Variants in SFT2D1 observed in about 807,000 individuals in gnomAD.
SFT2D1 encodes the protein SFT2 domain containing 1, also known as vesicle transport protein SFT2A.
Under a neutral mutation model 28.1 loss-of-function variants are expected in SFT2D1, and 24 were observed. The ratio of observed to expected loss-of-function variants is 0.85; its 90% CI spans 0.62 to 1.20. The LOEUF is 1.20. SFT2D1 is among the 50% of genes most tolerant of loss of function. SFT2D1 has a pLI of 0.00. For synonymous variants in SFT2D1, 82 were observed against 73.7 expected, an observed-to-expected ratio of 1.11 and a Z score of -0.58; for missense variants, 181 against 190.9, an observed-to-expected ratio of 0.95 and a Z score of 0.31.
In SFT2D1 at chr6:166,328,143, G is replaced by C. The variant is rs1778484847; in HGVS notation, c.315+133C>G. The stretch of plus-strand genomic sequence containing the variant: ...ACACAAGAAGTATACATACAACCCT[G>C]AAACTTAAAGTATAATAATAAAAAA... On this transcript the variant is annotated intron_variant, in intron 4 of 7. Coordinates refer to ENST00000361731, the MANE Select transcript of SFT2D1 (RefSeq NM_145169.3). The C allele has an allele frequency of 1.0e-5, 4 of 399,628 alleles. No individual in the cohort carries two copies. The South Asian group carries it at 2.9e-4, about 29-fold the overall frequency. 24.8% of individuals were successfully genotyped at this position (399,628 alleles called of 1,614,324 possible). A position where few individuals can be genotyped will look rare whatever the true frequency, so the allele number is the denominator to read the frequency against.
intron 7 of SFT2D1, among the ~76,000 whole-genome samples, chr6:166,322,183 G>GT (rs1245172124): frequency 6.6e-6 from 1 of 151,654 alleles, no homozygotes; most frequent in Non-Finnish European, 1.5e-5. Flanking sequence ...GCACCCAGCC[G>GT]TAACTTCCTT....
intron 2 of SFT2D1, 57 bp from the exon 3 acceptor site, chr6:166,329,646 T>TC: frequency 1.5e-6 from 2 of 1,372,650 alleles, no homozygotes; most frequent in Non-Finnish European, 2.0e-6. Context: ...ATGGTTAAAA[T>TC]ATAAACGTGC....
rs1778803763 is a variant in SFT2D1 at position 166,342,430 on chromosome 6, G to A, written c.52C>T (p.Leu18=). The change falls in exon 1 of 8, where the codon CTG becomes TTG. Residue 18 remains leucine, a synonymous_variant. Coordinates refer to ENST00000361731, the MANE Select transcript of SFT2D1 (RefSeq NM_145169.3). ...LSGQDDEEQG[L]TAQVLDASSL... ...CGCAAGTTCGCTACCTGCGCAGTCA[G>A]GCCCTGCTCCTCGTCGTCCTGGCCG... The A allele has an allele frequency of 6.4e-7, 1 of 1,560,098 alleles. No individual in the cohort carries two copies. The highest frequency in any genetic ancestry group is 1.9e-5 in the Admixed American group (1 of 52,416).
Position 166,326,173 on chromosome 6 carries a change from G to A in SFT2D1, c.316-6C>T, listed in dbSNP as rs147201375. The A allele has an allele frequency of 6.4e-5, 104 of 1,612,654 alleles. 1 individual carries two copies. In the Middle Eastern group the frequency reaches 1.8e-3, roughly 28 times the overall value. On this transcript the variant is annotated splice_region_variant and splice_polypyrimidine_tract_variant and intron_variant, in intron 4 of 7. Transcript: ENST00000361731. ...AGGGTAAATATGAAACACAACTACA[G>A]GGGAAGAAAGAGTAGATTATAAGTT...
chr6:166,341,810 G>A (rs1400466090), intron 1 of SFT2D1, among the ~76,000 whole-genome samples: 1 of 140,594 alleles, frequency 7.1e-6, no homozygotes. Flanking sequence ...GTAAGGCGCA[G>A]ACACAAGGGC....
chr6:166,334,284 G>A (rs189860307), intron 1 of SFT2D1, among the ~76,000 whole-genome samples: 1 of 152,310 alleles, frequency 6.6e-6, no homozygotes, highest in East Asian at 1.9e-4. Context: ...AAAAATCTAT[G>A]TGCTGGCTGC....
rs574519952 is a variant in SFT2D1 at position 166,328,287 on chromosome 6, T to C, written c.304A>G (p.Ile102Val). The C allele has an allele frequency of 1.0e-5, 16 of 1,587,850 alleles. No individual in the cohort carries two copies. The South Asian group carries it at 1.6e-4, about 16-fold the overall frequency. Reference sequence around the variant, plus strand: ...TATTATTTACTTACAAGCATAACAATTGTTGCAAGCAATCTTGTTGCTTCA... The same window carrying C: ...TATTATTTACTTACAAGCATAACAACTGTTGCAAGCAATCTTGTTGCTTCA... ...MFEATRLLATIVMLLCFIFTL... is the reference protein window; with the variant it reads ...MFEATRLLATVVMLLCFIFTL... Residue 102 changes from isoleucine (I) to valine (V), a missense_variant, in exon 4 of 8, where the codon ATT (isoleucine) becomes GTT (valine). Physicochemically the swap from Ile to Val is conservative, Grantham distance 29. Transcript: ENST00000361731.
chr6:166,324,704 T>C, intron 5 of SFT2D1, 109 bp from the exon 6 acceptor site: 1 of 1,004,070 alleles, frequency 1.0e-6, no homozygotes. Context: ...GCTTCATTTA[T>C]CTTTATTAAA....
chr6:166,326,548 G>A (rs1003605095), intron 4 of SFT2D1, among the ~76,000 whole-genome samples: 2 of 152,152 alleles, frequency 1.3e-5, no homozygotes, highest in South Asian at 2.1e-4. Flanking sequence ...CAGTGGACTC[G>A]TCTAAACCTG....
At chr6:166,333,007 C>T (rs930645029) in intron 1 of SFT2D1, among the ~76,000 whole-genome samples, 1 of 152,222 alleles carries the variant, frequency 6.6e-6, no homozygotes, top group African/African-American at 2.4e-5. Flanking sequence ...CTGGAAGGAC[C>T]TGAGCCTTGC....
intron 1 of SFT2D1, among the ~76,000 whole-genome samples, chr6:166,333,374 A>G (rs62438389): frequency 3.2e-4 from 48 of 151,136 alleles, no homozygotes; most frequent in Non-Finnish European, 6.3e-4. Context: ...TTTCCCCTCC[A>G]CTCCACTCAG....
chr6:166,326,294 A>G (rs1234171741), intron 4 of SFT2D1, 127 bp from the exon 5 acceptor site: 2 of 757,704 alleles, frequency 2.6e-6, no homozygotes, highest in Admixed American at 2.9e-5. Flanking sequence ...AATACAGCTG[A>G]ATAGTTTTAC....
chr6:166,326,049 T>C, intron 5 of SFT2D1, 83 bp downstream of exon 5: 1 of 1,289,550 alleles, frequency 7.8e-7, no homozygotes, highest in Non-Finnish European at 1.1e-6. Context: ...GATGAGCTAT[T>C]TTAAGATAAT....
chr6:166,342,121 A>G (rs909340343), intron 1 of SFT2D1, among the ~76,000 whole-genome samples: 18 of 152,148 alleles, frequency 1.2e-4, no homozygotes, highest in Admixed American at 1.0e-3. Flanking sequence ...ACCAAATAGT[A>G]CGTGGGAGCG....
chr6:166,336,568 C>T (rs756915621), intron 1 of SFT2D1, among the ~76,000 whole-genome samples: 4 of 152,156 alleles, frequency 2.6e-5, no homozygotes, highest in East Asian at 1.9e-4. Flanking sequence ...CCAGCAGATT[C>T]GGCGTCTGGT....
rs80026627 is a variant in SFT2D1 at position 166,327,610 on chromosome 6, C to T, written c.315+666G>A. 3.8e-3 allele frequency among the ~76,000 whole-genome samples: 572 copies of T among 152,216 alleles called. 6 individuals are homozygous for T. The highest frequency in any genetic ancestry group is 0.013 in the African/African-American group (542 of 41,528). On this transcript the variant is annotated intron_variant, in intron 4 of 7. Coordinates refer to ENST00000361731, the MANE Select transcript of SFT2D1 (RefSeq NM_145169.3). Reference sequence around the variant, plus strand: ...AGCATAGAGGGTGTCTATGCCCACCCTCTAAAGGGTACAAACTAACAATCC... The same window carrying T: ...AGCATAGAGGGTGTCTATGCCCACCTTCTAAAGGGTACAAACTAACAATCC...
intron 1 of SFT2D1, among the ~76,000 whole-genome samples, chr6:166,337,241 C>T (rs947869986): frequency 6.6e-6 from 1 of 152,316 alleles, no homozygotes; most frequent in East Asian, 1.9e-4. Context: ...TAGGAGTAGA[C>T]GGGACCCCCA....
chr6:166,329,403 A>G, intron 3 of SFT2D1, 104 bp downstream of exon 3: 1 of 847,954 alleles, frequency 1.2e-6, no homozygotes, highest in Non-Finnish European at 1.9e-6. Context: ...GGCTGAATTC[A>G]CAGTATGTAC....
At chr6:166,341,242 T>A (rs1476907021) in intron 1 of SFT2D1, among the ~76,000 whole-genome samples, 1 of 152,060 alleles carries the variant, frequency 6.6e-6, no homozygotes, top group Non-Finnish European at 1.5e-5. Flanking sequence ...GGTCAGGAGT[T>A]CGAGACCAGC....
Sources: gnomAD v4.1 joint callset for allele counts (sites outside exome capture counted in the v4.1 genomes callset) on GRCh38, gnomAD v4.1.1 for gene constraint, MANE v1.5 for transcripts, NCBI Gene and HGNC (gene_info 2026-07-23, HGNC 2026-07-21) for gene names.